POLR3B: variants seen among roughly 807,000 people sequenced by gnomAD.
POLR3B encodes the protein RNA polymerase III subunit B.
A neutral mutation model predicts 147.4 loss-of-function variants in POLR3B; 96 were observed. That is an observed-to-expected ratio of 0.65 (90% CI 0.55 to 0.77). The LOEUF is 0.77. Among genes scored for constraint, POLR3B ranks in the 30% least tolerant of loss-of-function variants. The pLI is 0.00. For synonymous variants in POLR3B, 461 were observed against 485.9 expected, an observed-to-expected ratio of 0.95 and a Z score of 0.67; for missense variants, 1,036 against 1,413.5, an observed-to-expected ratio of 0.73 and a Z score of 4.28.
intron 23 of POLR3B, among the ~76,000 whole-genome samples, chr12:106,468,238 T>C (rs2038034606): frequency 6.6e-6 from 1 of 152,224 alleles, no homozygotes; most frequent in South Asian, 2.1e-4. Flanking sequence ...GTTTATTACA[T>C]AGAGGTGTTT....
intron 23 of POLR3B, among the ~76,000 whole-genome samples, chr12:106,469,630 T>G (rs1403060067): frequency 6.6e-6 from 1 of 152,184 alleles, no homozygotes; most frequent in Non-Finnish European, 1.5e-5. Context: ...CAGGAGCTCT[T>G]GTAAGGCAGG....
intron 12 of POLR3B, among the ~76,000 whole-genome samples, chr12:106,422,627 A>T (rs2037386693): frequency 2.0e-5 from 3 of 152,144 alleles, no homozygotes; most frequent in African/African-American, 7.2e-5. Context: ...TTTATTGTAT[A>T]GTCTTTCATT....
chr12:106,385,018 G>T (rs1364995104), intron 9 of POLR3B, among the ~76,000 whole-genome samples: 7 of 152,188 alleles, frequency 4.6e-5, no homozygotes, highest in South Asian at 4.2e-4. Flanking sequence ...TAGAGATGGG[G>T]TTTCACCATG....
chr12:106,366,706 C>A lies in POLR3B; in HGVS notation c.211C>A (p.Pro71Thr). 1 of 1,612,342 alleles carries A rather than the reference C, an allele frequency of 6.2e-7. No individual in the cohort carries two copies. The highest frequency in any genetic ancestry group is 2.2e-5 in the East Asian group (1 of 44,866). ...TGAAAAGGTTACAAGTGACGCTGAC[C>A]CTATGTGGTACTTAAAGTAAGGAAC... ...ANEKVTSDAD[P>T]MWYLKYLNIY... The change falls in exon 4 of 28, where the codon CCT (proline) becomes ACT (threonine). Residue 71 changes from proline (P) to threonine (T), a missense_variant. By Grantham distance (38) the Pro-to-Thr change is conservative. This residue lies in a region of POLR3B where 150 missense variants were observed against 145.5 expected (regional missense o/e 1.03). Transcript: ENST00000228347.
intron 25 of POLR3B, among the ~76,000 whole-genome samples, chr12:106,499,087 G>A (rs937432139): frequency 5.9e-5 from 9 of 152,178 alleles, no homozygotes; most frequent in African/African-American, 2.2e-4. Flanking sequence ...TACCTGAGAT[G>A]TTATAGAAAA....
chr12:106,362,136 A>G (rs193130259), intron 1 of POLR3B, among the ~76,000 whole-genome samples: 12 of 152,034 alleles, frequency 7.9e-5, no homozygotes, highest in African/African-American at 2.9e-4. Context: ...TAATGGGAGG[A>G]TTTGAATACT....
intron 11 of POLR3B, among the ~76,000 whole-genome samples, chr12:106,406,241 A>G (rs2037149481): frequency 6.6e-6 from 1 of 152,210 alleles, no homozygotes; most frequent in East Asian, 1.9e-4. Context: ...ATTCATACAT[A>G]CATTAGTACT....
At position 106,368,501 on chromosome 12, in the gene POLR3B, A is replaced by G. The variant is rs116168777; in HGVS notation, c.228-774A>G. ...TTCCTTATTTAACTTTTATCCCAAT[A>G]ATGAGAAATCTGGCTCCCATTATCT... is the stretch of plus-strand genomic sequence containing the variant. On this transcript the variant is annotated intron_variant, in intron 4 of 27. Transcript: ENST00000228347. 1.0e-3 allele frequency among the ~76,000 whole-genome samples: 159 copies of G among 152,252 alleles called. 1 individual carries two copies. The highest frequency in any genetic ancestry group is 3.5e-3 in the African/African-American group (146 of 41,550).
At chr12:106,483,908 A>G (rs1370050361) in intron 23 of POLR3B, among the ~76,000 whole-genome samples, 1 of 152,234 alleles carries the variant, frequency 6.6e-6, no homozygotes, top group Non-Finnish European at 1.5e-5. Context: ...GACGAAAAGT[A>G]TAGCAGAGAG....
At chr12:106,392,956 G>A (rs1320053542) in intron 9 of POLR3B, 75 bp from the exon 10 acceptor site, 1 of 1,588,306 alleles carries the variant, frequency 6.3e-7, no homozygotes, top group East Asian at 2.2e-5. Flanking sequence ...CACAAACAAT[G>A]CCAAATTAGC....
chr12:106,488,746 G>A (rs2038373980), intron 23 of POLR3B, among the ~76,000 whole-genome samples: 1 of 152,116 alleles, frequency 6.6e-6, no homozygotes, highest in Non-Finnish European at 1.5e-5. Flanking sequence ...CTTCAACTGT[G>A]TTATAAATTC....
intron 19 of POLR3B, among the ~76,000 whole-genome samples, chr12:106,453,744 G>A (rs932948493): frequency 1.3e-5 from 2 of 152,080 alleles, no homozygotes; most frequent in African/African-American, 2.4e-5. Context: ...GAGAGAAAGG[G>A]TTAACATTCT....
At chr12:106,396,330 ACTAC>A (rs376461027) in intron 10 of POLR3B, among the ~76,000 whole-genome samples, 5 of 152,310 alleles carry the variant, frequency 3.3e-5, no homozygotes, top group African/African-American at 1.2e-4. Flanking sequence ...TTACTTAGTT[ACTAC>A]TTACTACTAG....
At chr12:106,369,730 C>A in intron 6 of POLR3B, 47 bp downstream of exon 6, 2 of 1,173,356 alleles carry the variant, frequency 1.7e-6, no homozygotes, top group Non-Finnish European at 2.6e-6. Flanking sequence ...GGATTCCAGC[C>A]CCATGATGTG....
chr12:106,358,145 T>C, intron 1 of POLR3B, 194 bp downstream of exon 1: 2 of 1,458,722 alleles, frequency 1.4e-6, no homozygotes, highest in Admixed American at 2.5e-5. Context: ...TGAAGGCTGA[T>C]CCCAGAGGAG....
At chr12:106,381,510 A>G (rs1020014263) in intron 9 of POLR3B, among the ~76,000 whole-genome samples, 1 of 152,168 alleles carries the variant, frequency 6.6e-6, no homozygotes, top group African/African-American at 2.4e-5. Context: ...TTAGGAAGCA[A>G]CCCCTCACCC....
intron 18 of POLR3B, among the ~76,000 whole-genome samples, chr12:106,442,751 A>C (rs538713272): frequency 1.0e-4 from 15 of 150,700 alleles, no homozygotes; most frequent in African/African-American, 3.5e-4. Context: ...AAACCACTGA[A>C]ATTCTTAAGG....
chr12:106,430,661 C>T (rs183580185), intron 14 of POLR3B, among the ~76,000 whole-genome samples, 188 bp downstream of exon 14: 11 of 152,204 alleles, frequency 7.2e-5, no homozygotes, highest in Non-Finnish European at 5.9e-5. Context: ...AAACTAGGAC[C>T]TGCAGAAGCA....
At chr12:106,477,724 G>A (rs988407989) in intron 23 of POLR3B, among the ~76,000 whole-genome samples, 4 of 151,910 alleles carry the variant, frequency 2.6e-5, no homozygotes, top group African/African-American at 7.3e-5. Flanking sequence ...GCTTCGGCTC[G>A]CGCAGGGTAC....
Sources: allele counts gnomAD v4.1 joint callset (sites outside exome capture counted in the v4.1 genomes callset), GRCh38; gene constraint gnomAD v4.1.1; regional missense constraint gnomAD v4.1.1; transcripts MANE v1.5; gene names NCBI Gene and HGNC (gene_info 2026-07-23, HGNC 2026-07-21).